SP140L: variants seen among roughly 807,000 people sequenced by gnomAD.
SP140L encodes the protein SP140 like nuclear body protein, also known as nuclear body protein SP140-like protein.
Under a neutral mutation model 84.3 loss-of-function variants are expected in SP140L, and 64 were observed. That is an observed-to-expected ratio of 0.76 (90% CI 0.62 to 0.94). The LOEUF (loss-of-function observed/expected upper bound fraction) is 0.94. SP140L is among the 40% of genes least tolerant of loss of function. The probability of loss-of-function intolerance (pLI) is 0.00; values close to 1 mark genes in which losing one functional copy is unlikely to be tolerated. For synonymous variants in SP140L, 242 were observed against 236.9 expected, an observed-to-expected ratio of 1.02 and a Z score of -0.20; for missense variants, 628 against 692.5, an observed-to-expected ratio of 0.91 and a Z score of 1.05.
At chr2:230,398,908 C>G (rs751441300) in intron 14 of SP140L, among the ~76,000 whole-genome samples, 5 of 152,142 alleles carry the variant, frequency 3.3e-5, no homozygotes, top group African/African-American at 4.8e-5. Flanking sequence ...GAAATGAAAT[C>G]AGCTATTCAA....
chr2:230,371,560 T>G (rs746510465), intron 6 of SP140L, 38 bp from the exon 7 acceptor site: 3 of 1,495,456 alleles, frequency 2.0e-6, no homozygotes, highest in Non-Finnish European at 1.8e-6. Context: ...TTTTATTTAT[T>G]AATTTCTGTT....
intron 10 of SP140L, 38 bp from the exon 11 acceptor site, chr2:230,389,881 T>C: frequency 6.2e-7 from 1 of 1,604,522 alleles, no homozygotes; most frequent in Non-Finnish European, 8.5e-7. Context: ...GATGTGCCTT[T>C]GCAAAGTGAG....
rs1156262241 is a variant in SP140L, at chr2:230,392,898, G to C, written c.1108-516G>C. Among the ~76,000 whole-genome samples, 3 of 152,160 alleles carry C rather than the reference G, an allele frequency of 2.0e-5. No homozygotes were observed. In the East Asian group the frequency reaches 5.8e-4, roughly 29 times the overall value. On this transcript the variant is annotated intron_variant, in intron 12 of 18. Transcript: ENST00000415673. ...TTCCTTAAATATTCACTGACCTATA[G>C]CCATGGGTCCTCCCTTCCCAGGGTT... is the stretch of plus-strand genomic sequence containing the variant.
intron 2 of SP140L, among the ~76,000 whole-genome samples, chr2:230,333,396 G>A (rs2059780010): frequency 6.6e-6 from 1 of 152,108 alleles, no homozygotes; most frequent in East Asian, 1.9e-4. Flanking sequence ...TTGACCTCAT[G>A]ATCCACTCGC....
chr2:230,355,370 G>A (rs1365696816), intron 2 of SP140L, among the ~76,000 whole-genome samples: 1 of 152,076 alleles, frequency 6.6e-6, no homozygotes, highest in Non-Finnish European at 1.5e-5. Flanking sequence ...AAAATAACTA[G>A]AAATAAATTT....
At chr2:230,402,624 A>T (rs1346461579) in intron 18 of SP140L, among the ~76,000 whole-genome samples, 174 bp from the exon 19 acceptor site, 1 of 152,258 alleles carries the variant, frequency 6.6e-6, no homozygotes, top group African/African-American at 2.4e-5. Context: ...ATTATTCCAC[A>T]TAGCAGTCAT....
At chr2:230,374,155 A>C (rs2061170640) in intron 7 of SP140L, among the ~76,000 whole-genome samples, 1 of 152,158 alleles carries the variant, frequency 6.6e-6, no homozygotes, top group Admixed American at 6.6e-5. Flanking sequence ...GTCTCTACTA[A>C]AAATACAAAA....
intron 2 of SP140L, among the ~76,000 whole-genome samples, chr2:230,345,713 T>G (rs1290954713): frequency 1.3e-5 from 2 of 152,076 alleles, no homozygotes; most frequent in Non-Finnish European, 2.9e-5. Context: ...TATAGCTATA[T>G]CATCTGATTT....
chr2:230,366,282 A>G (rs527559104), intron 5 of SP140L, among the ~76,000 whole-genome samples: 1 of 152,272 alleles, frequency 6.6e-6, no homozygotes, highest in South Asian at 2.1e-4. Context: ...TTTATTTAAT[A>G]TATATTTGGT....
intron 7 of SP140L, among the ~76,000 whole-genome samples, chr2:230,376,971 A>G (rs1173047381): frequency 6.6e-6 from 1 of 152,192 alleles, no homozygotes; most frequent in Non-Finnish European, 1.5e-5. Flanking sequence ...CTTTATGTAA[A>G]TGTTCCACAT....
chr2:230,370,676 AT>A (rs1237150672), intron 5 of SP140L, among the ~76,000 whole-genome samples: 1 of 151,838 alleles, frequency 6.6e-6, no homozygotes, highest in East Asian at 1.9e-4. Flanking sequence ...AGTTCTGATA[AT>A]GAAAAAAAGA....
Position 230,402,948 on chromosome 2 carries a change from T to C in SP140L, c.*52T>C. ...CAGGAAATATGCTACTGGTTGCCAC[T>C]GACTTCAAACTGAGAGCACTTGGGA... On this transcript the variant is annotated 3_prime_UTR_variant, in exon 19 of 19. Coordinates refer to ENST00000415673, the MANE Select transcript of SP140L (RefSeq NM_138402.6). 1.3e-6 allele frequency: 2 copies of C among 1,486,152 alleles called. No homozygotes were observed. Among genetic ancestry groups the C allele is most frequent in the Non-Finnish European group, 1.8e-6 (2 of 1,084,802 alleles). 92.1% of individuals were successfully genotyped at this position (1,486,152 alleles called of 1,614,324 possible).
intron 3 of SP140L, among the ~76,000 whole-genome samples, chr2:230,358,530 C>A (rs879481645): frequency 6.6e-6 from 1 of 152,126 alleles, no homozygotes; most frequent in Admixed American, 6.6e-5. Context: ...TCCTCTGTGG[C>A]CAAGTTCACA....
At chr2:230,356,452 G>T (rs1479244321) in intron 2 of SP140L, among the ~76,000 whole-genome samples, 2 of 152,136 alleles carry the variant, frequency 1.3e-5, no homozygotes, top group Non-Finnish European at 2.9e-5. Flanking sequence ...CAGCAACATA[G>T]ATGATAAGCA....
chr2:230,367,818 G>A (rs2060936003), intron 5 of SP140L, among the ~76,000 whole-genome samples: 1 of 152,164 alleles, frequency 6.6e-6, no homozygotes. Flanking sequence ...TGTAACCCCA[G>A]CTACTGGGAA....
At chr2:230,374,996 A>C (rs984598033) in intron 7 of SP140L, among the ~76,000 whole-genome samples, 1 of 152,208 alleles carries the variant, frequency 6.6e-6, no homozygotes, top group Non-Finnish European at 1.5e-5. Context: ...AAGATGTTTG[A>C]AATTTTTATC....
intron 7 of SP140L, among the ~76,000 whole-genome samples, chr2:230,376,313 T>C (rs1012068087): frequency 6.6e-6 from 1 of 152,236 alleles, no homozygotes; most frequent in South Asian, 2.1e-4. Context: ...AAAATGTCTC[T>C]GTTTCCAGGT....
At chr2:230,365,580 C>A (rs1320841751) in intron 5 of SP140L, among the ~76,000 whole-genome samples, 6 of 151,704 alleles carry the variant, frequency 4.0e-5, no homozygotes, top group Non-Finnish European at 4.4e-5. Flanking sequence ...TTTCAAAAAC[C>A]AACTCTGTTT....
chr2:230,334,780 A>G (rs999816465), intron 2 of SP140L, among the ~76,000 whole-genome samples: 3 of 152,128 alleles, frequency 2.0e-5, no homozygotes, highest in South Asian at 2.1e-4. Context: ...GGATTGCTAA[A>G]AATTGTCCAT....
Sources: allele counts gnomAD v4.1 joint callset (sites outside exome capture counted in the v4.1 genomes callset), GRCh38; gene constraint gnomAD v4.1.1; transcripts MANE v1.5; gene names NCBI Gene and HGNC (gene_info 2026-07-23, HGNC 2026-07-21).